The following CAMK2B variants were observed in gnomAD, a reference collection of about 807,000 sequenced individuals.
CAMK2B encodes the protein calcium/calmodulin dependent protein kinase II beta.
Under a neutral mutation model 93.7 loss-of-function variants are expected in CAMK2B, and 27 were observed. That is an observed-to-expected ratio of 0.29 (90% CI 0.21 to 0.40). The LOEUF (loss-of-function observed/expected upper bound fraction) is 0.40, where lower values mean the gene tolerates loss of function less well. Ranked by LOEUF, CAMK2B falls within the 10% of genes least tolerant of loss-of-function variation. The pLI, the probability that CAMK2B is intolerant of heterozygous loss-of-function variation, is 1.00. For missense variants in CAMK2B, 568 were observed against 895.8 expected, an observed-to-expected ratio of 0.63 and a Z score of 4.67; for synonymous variants, 374 against 358.8, an observed-to-expected ratio of 1.04 and a Z score of -0.48.
At chr7:44,297,890 A>G (rs1479299740) in intron 1 of CAMK2B, among the ~76,000 whole-genome samples, 1 of 152,216 alleles carries the variant, frequency 6.6e-6, no homozygotes, top group African/African-American at 2.4e-5. Context: ...TTGGGAGGCC[A>G]TGGAGGGTGG....
Position 44,232,827 on chromosome 7 carries a change from T to A in CAMK2B, c.1171A>T (p.Ile391Phe). 1 of 1,613,770 alleles carries A rather than the reference T, an allele frequency of 6.2e-7. No individual in the cohort carries two copies. The highest frequency in any genetic ancestry group is 8.5e-7 in the Non-Finnish European group (1 of 1,179,860). ...GGAGGAAAGTGGGGCAGTACCTTAA[T>A]CCCGTCCACTGGGTTATGGATGACG... is the stretch of plus-strand genomic sequence containing the variant. ...TTVIHNPVDG[I>F]KESSDSANTT... Residue 391 changes from isoleucine (I) to phenylalanine (F), a missense_variant, in exon 16 of 24, where the codon ATT becomes TTT. Around this residue, in one of 4 missense-constraint regions of CAMK2B, gnomAD observed 308 missense variants for 292.1 expected, o/e 1.05. Coordinates refer to ENST00000395749, the MANE Select transcript of CAMK2B (RefSeq NM_001220.5).
Position 44,229,406 on chromosome 7 carries a change from TA to T in CAMK2B, c.1320del (p.Phe440LeufsTer15). 6.6e-7 allele frequency: 1 copy of T among 1,508,852 alleles called. No individual in the cohort carries two copies. The highest frequency in any genetic ancestry group is 2.3e-5 in the Admixed American group (1 of 44,076). The allele number at this position is 1,508,852 out of a possible 1,614,324, so 93.5% of individuals were successfully genotyped here. On this transcript the variant is annotated frameshift_variant, in exon 18 of 24. Coordinates refer to ENST00000395749, the MANE Select transcript of CAMK2B (RefSeq NM_001220.5). LOFTEE classifies it high-confidence loss of function. ...TACTTACATGGGGCTGGCAGGGGGC[TA>T]AAGGGAGCCGGAGATGGGCAGGGCA... ...GPLPCPSPAP[F>X]SPLPAPSPRI...
At chr7:44,227,231 A>AG (rs1384147822) in intron 19 of CAMK2B, among the ~76,000 whole-genome samples, 1 of 1,374 alleles carries the variant, frequency 7.3e-4, no homozygotes, top group Non-Finnish European at 1.5e-3. Flanking sequence ...TGGGGGACAG[A>AG]GGGGAAGTGG....
Position 44,225,149 on chromosome 7 carries a change from T to C in CAMK2B, c.1597+1367A>G, listed in dbSNP as rs1424225689. 1.3e-5 allele frequency among the ~76,000 whole-genome samples: 2 copies of C among 152,068 alleles called. No individual in the cohort carries two copies. The highest frequency in any genetic ancestry group is 4.8e-5 in the African/African-American group (2 of 41,408). On this transcript the variant is annotated intron_variant, in intron 20 of 23. Transcript: ENST00000395749. The surrounding 1 kb of genome is among the most constrained non-coding windows in gnomAD (Gnocchi z 5.0). ...GCCACTCCACACCCACCCTGGGCCC[T>C]GTCCTCAGAGGACTCACCCCAGATA...
rs2096452367 is a variant in CAMK2B at position 44,224,515 on chromosome 7, C to G, written c.1597+2001G>C. Among the ~76,000 whole-genome samples the G allele has an allele frequency of 2.0e-5, 3 of 152,208 alleles. No homozygotes were observed. The highest frequency in any genetic ancestry group is 7.2e-5 in the African/African-American group (3 of 41,442). On this transcript the variant is annotated intron_variant, in intron 20 of 23. Transcript: ENST00000395749. This position sits in a 1 kb window ranked among gnomAD's most constrained non-coding sequence, Gnocchi z 4.4. ...AGCCAAGAGCCTCTGCAAGTCAGGCCTTCCAGGTGCCCTGACATGAACAGG... is the reference window on the plus strand; with the variant it reads ...AGCCAAGAGCCTCTGCAAGTCAGGCGTTCCAGGTGCCCTGACATGAACAGG...
chr7:44,311,561 CCT>C lies in CAMK2B; in HGVS notation c.65+13794_65+13795del, dbSNP rs548413276. Among the ~76,000 whole-genome samples, 7 of 152,326 alleles carry C rather than the reference CCT, an allele frequency of 4.6e-5. No homozygotes were observed. The East Asian group carries it at 1.3e-3, about 29-fold the overall frequency. ...AGATTGTTGTGCCCCAGCATGTGCC[CCT>C]GAGGCTGGCCCCGGGTGCTTGCAAC... On this transcript the variant is annotated intron_variant, in intron 1 of 23. Transcript: ENST00000395749. This position sits in a 1 kb window ranked among gnomAD's most constrained non-coding sequence, Gnocchi z 4.2.
chr7:44,243,185 G>T, intron 8 of CAMK2B, 65 bp downstream of exon 8: 1 of 1,219,878 alleles, frequency 8.2e-7, no homozygotes. Context: ...CACACTCCAG[G>T]ATGTAGGTGG....
chr7:44,317,202 A>G (rs1304324293), intron 1 of CAMK2B, among the ~76,000 whole-genome samples: 1 of 151,594 alleles, frequency 6.6e-6, no homozygotes. Context: ...ACAGACTAAG[A>G]CAGCTATGAC....
chr7:44,279,836 T>C (rs1478636275), intron 2 of CAMK2B, among the ~76,000 whole-genome samples: 1 of 152,182 alleles, frequency 6.6e-6, no homozygotes, highest in African/African-American at 2.4e-5. Flanking sequence ...AAAAACATAC[T>C]CGGGTAGTTT....
At chr7:44,267,609 G>A (rs1460716054) in intron 2 of CAMK2B, among the ~76,000 whole-genome samples, 1 of 152,084 alleles carries the variant, frequency 6.6e-6, no homozygotes, top group Non-Finnish European at 1.5e-5. Context: ...CTACACATGC[G>A]CACACGTGTG....
intron 3 of CAMK2B, among the ~76,000 whole-genome samples, chr7:44,262,366 C>T (rs1056518399): frequency 2.0e-5 from 3 of 152,368 alleles, no homozygotes; most frequent in East Asian, 3.9e-4. Context: ...AAGGCCTGGG[C>T]TCCAGGCTCC....
chr7:44,230,908 G>A (rs1473665979), intron 17 of CAMK2B, 98 bp downstream of exon 17: 11 of 1,007,174 alleles, frequency 1.1e-5, no homozygotes, highest in East Asian at 1.1e-4. Flanking sequence ...TAAACTAGGC[G>A]TCGCAGGAGA....
At chr7:44,235,030 A>G (rs1042742767) in intron 13 of CAMK2B, among the ~76,000 whole-genome samples, 4 of 152,078 alleles carry the variant, frequency 2.6e-5, no homozygotes, top group African/African-American at 9.7e-5. Flanking sequence ...CCTGATGGGA[A>G]CTCAGGACTA....
chr7:44,288,094 AG>A (rs2129126379), intron 1 of CAMK2B, among the ~76,000 whole-genome samples: 1 of 152,114 alleles, frequency 6.6e-6, no homozygotes, highest in South Asian at 2.1e-4. Context: ...TCCCAGCAGG[AG>A]GGGAGACCCA....
At chr7:44,293,060 C>T (rs1032250062) in intron 1 of CAMK2B, among the ~76,000 whole-genome samples, 10 of 152,148 alleles carry the variant, frequency 6.6e-5, no homozygotes, top group African/African-American at 2.2e-4. Flanking sequence ...GTGGCTGCCC[C>T]CTTTGGTCTC....
rs1466900334 is a variant in CAMK2B, at chr7:44,219,167, C to G, written c.*358G>C. On this transcript the variant is annotated 3_prime_UTR_variant, in exon 24 of 24. Coordinates refer to ENST00000395749, the MANE Select transcript of CAMK2B (RefSeq NM_001220.5). ...GGGGGCCTGGCAGACAAGTTCATGT[C>G]CCAGCTGGTCCCCCAGAGGCCAGGA... 1.3e-5 allele frequency: 2 copies of G among 152,202 alleles called. No individual in the cohort carries two copies. The highest frequency in any genetic ancestry group is 2.9e-5 in the Non-Finnish European group (2 of 68,074). 9.4% of individuals were successfully genotyped at this position (152,202 alleles called of 1,614,324 possible). A position where few individuals can be genotyped will look rare whatever the true frequency, so the allele number is the denominator to read the frequency against.
In CAMK2B at chr7:44,325,520, G is replaced by A. The variant is rs1429564313; in HGVS notation, c.-99C>T. On this transcript the variant is annotated 5_prime_UTR_variant, in exon 1 of 24. Transcript: ENST00000395749. ...ACGGCGGCGACACGGGCGCGGGCGC[G>A]GGAGACACCTCGGCTCGCGGCGCCA... is the stretch of plus-strand genomic sequence containing the variant. 4.3e-6 allele frequency: 3 copies of A among 694,834 alleles called. No homozygotes were observed. Among genetic ancestry groups the A allele is most frequent in the Non-Finnish European group, 5.3e-6 (3 of 564,938 alleles). The allele number at this position is 694,834 out of a possible 1,614,324, so 43.0% of individuals were successfully genotyped here.
chr7:44,276,426 A>AC (rs958328216), intron 2 of CAMK2B, among the ~76,000 whole-genome samples: 8 of 151,788 alleles, frequency 5.3e-5, no homozygotes, highest in East Asian at 1.9e-4. Flanking sequence ...CGGAGGCAGC[A>AC]CCCCCCCGCC....
At chr7:44,238,355 A>G (rs916412066) in intron 13 of CAMK2B, among the ~76,000 whole-genome samples, 6 of 152,218 alleles carry the variant, frequency 3.9e-5, no homozygotes, top group Middle Eastern at 3.2e-3. Context: ...GGCACAGGGC[A>G]GCGTAGAGGC....
Sources: allele counts gnomAD v4.1 joint callset (sites outside exome capture counted in the v4.1 genomes callset), GRCh38; gene constraint gnomAD v4.1.1; regional missense constraint gnomAD v4.1.1; non-coding constraint Gnocchi (gnomAD v3.1); transcripts MANE v1.5; gene names NCBI Gene and HGNC (gene_info 2026-07-23, HGNC 2026-07-21).